Variants in NEGR1 observed in about 807,000 individuals in gnomAD.
The protein encoded by NEGR1 is IgLON family member 4.
NEGR1 carries 10 observed loss-of-function variants against 40.9 expected under a neutral mutation model. That is an observed-to-expected ratio of 0.24 (90% CI 0.15 to 0.42). NEGR1 has a LOEUF of 0.42. Among genes scored for constraint, NEGR1 ranks in the 10% least tolerant of loss-of-function variants. The pLI is 1.00. For missense variants in NEGR1, 352 were observed against 438.9 expected, an observed-to-expected ratio of 0.80 and a Z score of 1.77; for synonymous variants, 185 against 166.8, an observed-to-expected ratio of 1.11 and a Z score of -0.84.
chr1:72,230,765 C>A (rs941707870), intron 1 of NEGR1, among the ~76,000 whole-genome samples: 1 of 152,162 alleles, frequency 6.6e-6, no homozygotes. Flanking sequence ...AACATCCTGT[C>A]AACCAAAACT....
intron 2 of NEGR1, among the ~76,000 whole-genome samples, chr1:71,869,980 T>C (rs777012760): frequency 2.0e-5 from 3 of 151,390 alleles, no homozygotes; most frequent in Non-Finnish European, 2.9e-5. Context: ...CCCGGGTTCA[T>C]GTGATTTTCC....
intron 6 of NEGR1, among the ~76,000 whole-genome samples, chr1:71,419,378 T>A (rs1162926096): frequency 6.6e-6 from 1 of 152,232 alleles, no homozygotes; most frequent in Non-Finnish European, 1.5e-5. Flanking sequence ...TAAATATATC[T>A]GTTGAAAGTA....
chr1:71,806,882 C>T (rs938612239), intron 2 of NEGR1, among the ~76,000 whole-genome samples: 2 of 149,304 alleles, frequency 1.3e-5, no homozygotes, highest in African/African-American at 4.9e-5. Flanking sequence ...GCAAACATGT[C>T]GATCTGTTTT....
intron 1 of NEGR1, among the ~76,000 whole-genome samples, chr1:72,166,070 A>T (rs1346578502): frequency 6.6e-6 from 1 of 152,038 alleles, no homozygotes; most frequent in Non-Finnish European, 1.5e-5. Context: ...CTCTTTCTCT[A>T]TTTATCTCCT....
intron 1 of NEGR1, among the ~76,000 whole-genome samples, chr1:71,992,226 A>G (rs1476227234): frequency 6.6e-6 from 1 of 152,206 alleles, no homozygotes; most frequent in Non-Finnish European, 1.5e-5. Flanking sequence ...CATCATATTC[A>G]TTTTTAGCAT....
chr1:72,230,743 C>A (rs1654335212), intron 1 of NEGR1, among the ~76,000 whole-genome samples: 1 of 152,100 alleles, frequency 6.6e-6, no homozygotes, highest in African/African-American at 2.4e-5. Context: ...CAAAATTCTA[C>A]CAACCATGTC....
chr1:71,495,268 C>G (rs1646953960), intron 6 of NEGR1, among the ~76,000 whole-genome samples: 2 of 151,928 alleles, frequency 1.3e-5, no homozygotes, highest in Admixed American at 6.6e-5. Flanking sequence ...CACTTGAGGT[C>G]AGGAGTTTGA....
intron 1 of NEGR1, among the ~76,000 whole-genome samples, chr1:72,064,316 A>G (rs920585098): frequency 6.6e-6 from 1 of 152,052 alleles, no homozygotes; most frequent in Non-Finnish European, 1.5e-5. Context: ...AACCAGACAC[A>G]GTTACCTAAA....
At chr1:72,231,878 T>C (rs1302595360) in intron 1 of NEGR1, among the ~76,000 whole-genome samples, 4 of 152,174 alleles carry the variant, frequency 2.6e-5, no homozygotes, top group African/African-American at 9.6e-5. Flanking sequence ...GCTTTTAGCA[T>C]AAATTTGGTA....
intron 1 of NEGR1, among the ~76,000 whole-genome samples, chr1:72,163,513 A>G (rs1651663241): frequency 6.6e-6 from 1 of 152,232 alleles, no homozygotes; most frequent in Middle Eastern, 3.4e-3. Context: ...AAGTAAAGCA[A>G]ATGGAGACAT....
At chr1:72,158,716 G>T (rs1475566274) in intron 1 of NEGR1, among the ~76,000 whole-genome samples, 1 of 152,108 alleles carries the variant, frequency 6.6e-6, no homozygotes, top group Non-Finnish European at 1.5e-5. Context: ...CCATATATCA[G>T]ATTGAAAGAC....
chr1:71,759,596 C>CCTTTTTTT (rs1655866326), intron 3 of NEGR1, among the ~76,000 whole-genome samples: 1 of 31,952 alleles, frequency 3.1e-5, no homozygotes, highest in African/African-American at 9.3e-5. Context: ...TGCGTCCAGG[C>CCTTTTTTT]TTTTTTTTTT....
At chr1:71,417,347 A>G (rs1326053651) in intron 6 of NEGR1, among the ~76,000 whole-genome samples, 1 of 151,690 alleles carries the variant, frequency 6.6e-6, no homozygotes, top group Non-Finnish European at 1.5e-5. Context: ...CTGCATTGGG[A>G]TGAGGTTTTA....
chr1:71,466,757 GA>G (rs2101350709), intron 6 of NEGR1, among the ~76,000 whole-genome samples: 1 of 152,122 alleles, frequency 6.6e-6, no homozygotes, highest in Non-Finnish European at 1.5e-5. Flanking sequence ...CAAGGGTTTT[GA>G]AAAAGGGTTG....
At chr1:72,057,906 C>T (rs1300565205) in intron 1 of NEGR1, among the ~76,000 whole-genome samples, 2 of 151,430 alleles carry the variant, frequency 1.3e-5, no homozygotes, top group Non-Finnish European at 3.0e-5. Flanking sequence ...CCTCATTTAA[C>T]TTTAATTACT....
At chr1:71,419,608 T>C (rs1646380362) in intron 6 of NEGR1, among the ~76,000 whole-genome samples, 1 of 152,204 alleles carries the variant, frequency 6.6e-6, no homozygotes, top group South Asian at 2.1e-4. Flanking sequence ...TACACTATCA[T>C]CATTTTGGTT....
chr1:72,114,962 A>T (rs1179945904), intron 1 of NEGR1, among the ~76,000 whole-genome samples: 1 of 151,782 alleles, frequency 6.6e-6, no homozygotes, highest in East Asian at 1.9e-4. Context: ...ACACCGTGTT[A>T]TATTTGTCAC....
intron 1 of NEGR1, among the ~76,000 whole-genome samples, chr1:71,936,866 T>C (rs1318486744): frequency 6.6e-6 from 1 of 152,220 alleles, no homozygotes; most frequent in East Asian, 1.9e-4. Flanking sequence ...CATATACCAG[T>C]GATTTTGCTG....
intron 6 of NEGR1, among the ~76,000 whole-genome samples, chr1:71,537,201 T>A (rs373032540): frequency 9.9e-5 from 15 of 151,854 alleles, no homozygotes; most frequent in Admixed American, 8.5e-4. Context: ...ATTCCCCTTT[T>A]ACAAATAAGA....
Sources: allele counts gnomAD v4.1 joint callset (sites outside exome capture counted in the v4.1 genomes callset), GRCh38; gene constraint gnomAD v4.1.1; transcripts MANE v1.5; gene names NCBI Gene and HGNC (gene_info 2026-07-23, HGNC 2026-07-21).